Variants in CBFA2T3 observed in about 807,000 individuals in gnomAD.
CBFA2T3 encodes CBFA2/RUNX1 partner transcriptional co-repressor 3.
Under a neutral mutation model 58.6 loss-of-function variants are expected in CBFA2T3, and 31 were observed. That is an observed-to-expected ratio of 0.53 (90% CI 0.40 to 0.71). CBFA2T3 has a LOEUF of 0.71. CBFA2T3 is among the 30% of genes least tolerant of loss of function. CBFA2T3 has a pLI of 0.00. For synonymous variants in CBFA2T3, 531 were observed against 421.9 expected (o/e 1.26, Z -3.17); for missense variants, 1,076 against 963.1 (o/e 1.12, Z -1.55).
At chr16:88,954,288 C>T (rs1270739509) in intron 1 of CBFA2T3, among the ~76,000 whole-genome samples, 1 of 152,196 alleles carries the variant, frequency 6.6e-6, no homozygotes, top group Non-Finnish European at 1.5e-5. Context: ...ACAGCCCTGC[C>T]CAAGTCTCCT....
intron 1 of CBFA2T3, among the ~76,000 whole-genome samples, chr16:88,940,796 C>G (rs1971694518): frequency 6.6e-6 from 1 of 152,182 alleles, no homozygotes; most frequent in African/African-American, 2.4e-5. Context: ...CGTCGTTCCC[C>G]TCGAAGTTTC....
At chr16:88,909,269 C>G (rs983817576) in intron 1 of CBFA2T3, among the ~76,000 whole-genome samples, 1 of 152,214 alleles carries the variant, frequency 6.6e-6, no homozygotes, top group Non-Finnish European at 1.5e-5. Context: ...GGACCCAGAA[C>G]AGTGCTGTGC....
At chr16:88,932,105 C>CG (rs555323336) in intron 1 of CBFA2T3, among the ~76,000 whole-genome samples, 27 of 152,258 alleles carry the variant, frequency 1.8e-4, no homozygotes, top group Middle Eastern at 3.4e-3. Context: ...CAACGGCACC[C>CG]GACGCAGTGA....
intron 1 of CBFA2T3, among the ~76,000 whole-genome samples, chr16:88,936,318 G>A (rs1244354351): frequency 6.6e-6 from 1 of 152,198 alleles, no homozygotes; most frequent in Non-Finnish European, 1.5e-5. Context: ...CCTCTGCTGA[G>A]TAAACAGAAG....
At chr16:88,911,116 C>T (rs539411178) in intron 1 of CBFA2T3, among the ~76,000 whole-genome samples, 1 of 152,274 alleles carries the variant, frequency 6.6e-6, no homozygotes, top group Non-Finnish European at 1.5e-5. Flanking sequence ...TCCTATTTCT[C>T]TCCCAGGCCC....
intron 1 of CBFA2T3, among the ~76,000 whole-genome samples, chr16:88,902,023 G>A (rs985217511): frequency 2.6e-5 from 4 of 152,314 alleles, no homozygotes; most frequent in Admixed American, 1.3e-4. Flanking sequence ...ATCCCCCGGG[G>A]GGTGTTCAGA....
chr16:88,892,475 G>A lies in CBFA2T3; in HGVS notation c.390C>T (p.Gly130=), dbSNP rs111509529. 51 of 1,612,390 alleles carry A rather than the reference G, an allele frequency of 3.2e-5. No homozygotes were observed. The South Asian group carries it at 4.7e-4, about 15-fold the overall frequency. ...TGATGGCTGTTGGTGAGTGGCTGCT[G>A]CCGTTCATCACTGCAGGAGGGAAGC... ...KWSMVCLLMN[G]SSHSPTAING... Residue 130 remains glycine (G), a synonymous_variant, in exon 4 of 12, where the codon GGC becomes GGT. Transcript: ENST00000268679.
chr16:88,894,065 G>A (rs887252173), intron 3 of CBFA2T3, among the ~76,000 whole-genome samples: 1 of 152,124 alleles, frequency 6.6e-6, no homozygotes, highest in African/African-American at 2.4e-5. Flanking sequence ...AGAAGGACAC[G>A]CTCCCTACAA....
rs1033977034 is a variant in CBFA2T3, at chr16:88,958,398, A to G, written c.151+18259T>C. On this transcript the variant is annotated intron_variant, in intron 1 of 11. Transcript: ENST00000268679. This position sits in a 1 kb window ranked among gnomAD's most constrained non-coding sequence, Gnocchi z 4.0. ...GAACTCCTCCAGGAAGGAAAGGAGA[A>G]GTTTTATTTGGGGTGGGGGTGTTAG... is the stretch of plus-strand genomic sequence containing the variant. 1.1e-4 allele frequency among the ~76,000 whole-genome samples: 16 copies of G among 144,966 alleles called. No individual in the cohort carries two copies. The highest frequency in any genetic ancestry group is 2.6e-4 in the African/African-American group (10 of 38,492).
intron 1 of CBFA2T3, among the ~76,000 whole-genome samples, chr16:88,947,166 G>A (rs1971924761): frequency 6.6e-6 from 1 of 152,198 alleles, no homozygotes; most frequent in Non-Finnish European, 1.5e-5. Context: ...TGCAATGTAG[G>A]GACCCCCCAC....
At chr16:88,919,301 C>T (rs148065543) in intron 1 of CBFA2T3, among the ~76,000 whole-genome samples, 294 of 152,298 alleles carry the variant, frequency 1.9e-3, no homozygotes, top group African/African-American at 6.2e-3. Context: ...CCGGACACAG[C>T]GTCAGGTTAT....
chr16:88,894,092 T>C (rs1175701732), intron 3 of CBFA2T3, among the ~76,000 whole-genome samples: 3 of 152,162 alleles, frequency 2.0e-5, no homozygotes, highest in African/African-American at 7.2e-5. Context: ...CCAACTCCCC[T>C]GCCCTCAGAG....
chr16:88,924,241 C>T lies in CBFA2T3; in HGVS notation c.152-22585G>A, dbSNP rs568977650. On this transcript the variant is annotated intron_variant, in intron 1 of 11. Coordinates refer to ENST00000268679, the MANE Select transcript of CBFA2T3 (RefSeq NM_005187.6). ...AGTGAAGATCTGCCCTCTCTGGGCC[C>T]CGCCTTCCTTGCTATTCCCTGGGAG... Among the ~76,000 whole-genome samples, 259 of 152,284 alleles carry T rather than the reference C, an allele frequency of 1.7e-3. 1 individual carries two copies. Among genetic ancestry groups the T allele is most frequent in the African/African-American group, 6.1e-3 (253 of 41,562 alleles).
chr16:88,885,147 G>A lies in CBFA2T3; in HGVS notation c.1016C>T (p.Pro339Leu), dbSNP rs763830719. 2.9e-5 allele frequency: 46 copies of A among 1,601,062 alleles called. No homozygotes were observed. Among genetic ancestry groups the A allele is most frequent in the Non-Finnish European group, 3.5e-5 (41 of 1,174,610 alleles). ...PSNGPPQPTPPPHYRLEDIAM... is the reference protein window; with the variant it reads ...PSNGPPQPTPLPHYRLEDIAM... ...TATGTCCTCCAGGCGGTAGTGCGGC[G>A]GCGGTGTGGGCTGCGGTGGCCCGTT... Residue 339 changes from proline (P) to leucine (L), a missense_variant, in exon 7 of 12, where the codon CCG (proline) becomes CTG (leucine). Pro to Leu is a moderately conservative substitution (Grantham distance 98). Coordinates refer to ENST00000268679, the MANE Select transcript of CBFA2T3 (RefSeq NM_005187.6). The surrounding 1 kb of genome is among the most constrained non-coding windows in gnomAD (Gnocchi z 5.3).
At chr16:88,965,118 T>TCCACCCAC (rs1350347229) in intron 1 of CBFA2T3, among the ~76,000 whole-genome samples, 1 of 132,792 alleles carries the variant, frequency 7.5e-6, no homozygotes, top group African/African-American at 3.4e-5. Context: ...CATCCATCCA[T>TCCACCCAC]CCACCCACCC....
chr16:88,924,448 G>C (rs1171883273), intron 1 of CBFA2T3, among the ~76,000 whole-genome samples: 2 of 152,178 alleles, frequency 1.3e-5, no homozygotes, highest in Non-Finnish European at 2.9e-5. Context: ...GCTCTCGGGG[G>C]CGATGGCTGG....
At chr16:88,966,833 A>G (rs1972516526) in intron 1 of CBFA2T3, among the ~76,000 whole-genome samples, 1 of 152,102 alleles carries the variant, frequency 6.6e-6, no homozygotes, top group Non-Finnish European at 1.5e-5. Flanking sequence ...CAGCACGCCC[A>G]CTGCTGCCCC....
chr16:88,933,061 G>A (rs994836790), intron 1 of CBFA2T3, among the ~76,000 whole-genome samples: 2 of 152,248 alleles, frequency 1.3e-5, no homozygotes, highest in African/African-American at 4.8e-5. Context: ...AGGACCCGGA[G>A]ACGTCACTTC....
At chr16:88,882,296 C>A (rs566230385) in intron 8 of CBFA2T3, among the ~76,000 whole-genome samples, 2 of 152,316 alleles carry the variant, frequency 1.3e-5, no homozygotes, top group African/African-American at 4.8e-5. Flanking sequence ...ACAGGTGTGG[C>A]TGTGTGGGGA....
Sources: allele counts gnomAD v4.1 joint callset (sites outside exome capture counted in the v4.1 genomes callset), GRCh38; gene constraint gnomAD v4.1.1; non-coding constraint Gnocchi (gnomAD v3.1); transcripts MANE v1.5; gene names NCBI Gene and HGNC (gene_info 2026-07-23, HGNC 2026-07-21).